The following FAM151B variants were observed in gnomAD, a reference collection of about 807,000 sequenced individuals.
The protein encoded by FAM151B is protein FAM151B.
A neutral mutation model predicts 31.2 loss-of-function variants in FAM151B; 24 were observed. That is an observed-to-expected ratio of 0.77 (90% CI 0.56 to 1.08). The LOEUF is 1.08. Among genes scored for constraint, FAM151B ranks in the 50% least tolerant of loss-of-function variants. FAM151B has a pLI of 0.00. For synonymous variants in FAM151B, 105 were observed against 111.4 expected, an observed-to-expected ratio of 0.94 and a Z score of 0.36; for missense variants, 293 against 328.6, an observed-to-expected ratio of 0.89 and a Z score of 0.84.
chr5:80,529,507 GAA>G (rs1289880737), intron 5 of FAM151B, among the ~76,000 whole-genome samples: 1 of 152,010 alleles, frequency 6.6e-6, no homozygotes, highest in Non-Finnish European at 1.5e-5. Context: ...TAATAAAGAA[GAA>G]AAGAGAGAAG....
At chr5:80,536,681 A>AT (rs1745531274) in intron 5 of FAM151B, among the ~76,000 whole-genome samples, 1 of 152,212 alleles carries the variant, frequency 6.6e-6, no homozygotes. Flanking sequence ...TAAAGTATAT[A>AT]TATTGTACTT....
chr5:80,517,520 G>T (rs990018857), intron 3 of FAM151B, among the ~76,000 whole-genome samples: 1 of 152,122 alleles, frequency 6.6e-6, no homozygotes, highest in East Asian at 1.9e-4. Flanking sequence ...ACAACAAAAA[G>T]TTTTTGGTTC....
chr5:80,528,377 T>C (rs1404982435), intron 5 of FAM151B, among the ~76,000 whole-genome samples: 2 of 151,920 alleles, frequency 1.3e-5, no homozygotes, highest in African/African-American at 4.8e-5. Flanking sequence ...AATAATAACA[T>C]TGAATGTAAG....
At chr5:80,539,741 C>T (rs1051979783) in intron 5 of FAM151B, among the ~76,000 whole-genome samples, 2 of 151,432 alleles carry the variant, frequency 1.3e-5, no homozygotes, top group Non-Finnish European at 2.9e-5. Context: ...ATCGGCCTGC[C>T]TCGGCCTCCC....
intron 5 of FAM151B, among the ~76,000 whole-genome samples, chr5:80,536,927 G>T (rs574204039): frequency 6.6e-6 from 1 of 152,156 alleles, no homozygotes; most frequent in African/African-American, 2.4e-5. Context: ...GTGTTGGGGG[G>T]AGGTGTGAAT....
intron 3 of FAM151B, among the ~76,000 whole-genome samples, chr5:80,515,248 T>A (rs544318170): frequency 1.4e-3 from 177 of 126,790 alleles, no homozygotes; most frequent in South Asian, 3.9e-3. Context: ...CTCAAAAAAA[T>A]AAATAAATAA....
At chr5:80,541,577 G>C in intron 5 of FAM151B, 96 bp from the exon 6 acceptor site, 1 of 1,116,364 alleles carries the variant, frequency 9.0e-7, no homozygotes, top group Non-Finnish European at 1.3e-6. Flanking sequence ...GAGTGCATTT[G>C]AGTTAGAGAT....
intron 2 of FAM151B, among the ~76,000 whole-genome samples, chr5:80,511,954 G>A (rs901610562): frequency 6.6e-6 from 1 of 152,088 alleles, no homozygotes; most frequent in African/African-American, 2.4e-5. Flanking sequence ...AATTCACTAT[G>A]CTACATAATT....
At chr5:80,518,509 A>C (rs947637209) in intron 3 of FAM151B, among the ~76,000 whole-genome samples, 4 of 152,190 alleles carry the variant, frequency 2.6e-5, no homozygotes, top group African/African-American at 9.7e-5. Context: ...GGAGAATTTA[A>C]AAGAGACAAA....
chr5:80,500,982 C>T (rs1743719156), intron 1 of FAM151B: 9 of 648,904 alleles, frequency 1.4e-5, no homozygotes, highest in African/African-American at 3.7e-5. Context: ...CGCCATGAGG[C>T]GGAATGAAGA....
chr5:80,506,487 T>C (rs997829997), intron 2 of FAM151B, among the ~76,000 whole-genome samples: 15 of 152,192 alleles, frequency 9.9e-5, no homozygotes, highest in African/African-American at 3.6e-4. Context: ...ATGATAAATC[T>C]ACTAGCTTGA....
chr5:80,519,260 T>A (rs1332147273), intron 3 of FAM151B, among the ~76,000 whole-genome samples: 1 of 152,190 alleles, frequency 6.6e-6, no homozygotes, highest in African/African-American at 2.4e-5. Flanking sequence ...TGAGCCTGAA[T>A]TAGAGATACA....
chr5:80,500,621 G>T lies in FAM151B; in HGVS notation c.26-1171G>T. On this transcript the variant is annotated intron_variant, in intron 1 of 5. Coordinates refer to ENST00000282226, the MANE Select transcript of FAM151B (RefSeq NM_205548.3). ...GGCATTTGTCCTCAGGATCAGAGGT[G>T]TCAGTGGTGTGAGCCCAAAGGTCCG... 3.9e-6 allele frequency: 3 copies of T among 761,062 alleles called. No individual in the cohort carries two copies. The South Asian group carries it at 4.0e-5, about 10-fold the overall frequency. 47.1% of individuals were successfully genotyped at this position (761,062 alleles called of 1,614,324 possible). A position where few individuals can be genotyped will look rare whatever the true frequency, so the allele number is the denominator to read the frequency against.
intron 2 of FAM151B, among the ~76,000 whole-genome samples, chr5:80,509,426 A>G (rs1744102924): frequency 6.6e-6 from 1 of 152,164 alleles, no homozygotes; most frequent in African/African-American, 2.4e-5. Context: ...ATGAAAATGC[A>G]GTGAGAAGGC....
rs953876874 is a variant in FAM151B at position 80,542,000 on chromosome 5, C to A, written c.*168C>A. On this transcript the variant is annotated 3_prime_UTR_variant, in exon 6 of 6. Coordinates refer to ENST00000282226, the MANE Select transcript of FAM151B (RefSeq NM_205548.3). ...GTGGGCATATGTCCTTATAATAGTGCACTTACATAAAAGATTTGGAAAGAA... is the reference window on the plus strand; with the variant it reads ...GTGGGCATATGTCCTTATAATAGTGAACTTACATAAAAGATTTGGAAAGAA... 1.2e-4 allele frequency: 79 copies of A among 647,694 alleles called. No individual in the cohort carries two copies. The highest frequency in any genetic ancestry group is 2.8e-4 in the South Asian group (12 of 42,494). 40.1% of individuals were successfully genotyped at this position (647,694 alleles called of 1,614,324 possible).
chr5:80,521,238 C>G (rs955240209), intron 4 of FAM151B, among the ~76,000 whole-genome samples: 1 of 151,230 alleles, frequency 6.6e-6, no homozygotes, highest in African/African-American at 2.4e-5. Context: ...GATCCTCCCA[C>G]CTCAGCCTCC....
chr5:80,494,969 G>T (rs558430729), intron 1 of FAM151B: 1 of 152,312 alleles, frequency 6.6e-6, no homozygotes, highest in East Asian at 1.9e-4. Context: ...GTGACTTTAA[G>T]TGGAAGCCAG....
At chr5:80,498,521 C>T (rs1414866892) in intron 1 of FAM151B, 1 of 926,230 alleles carries the variant, frequency 1.1e-6, no homozygotes, top group Non-Finnish European at 1.7e-6. Context: ...TTTATTAACT[C>T]ATAGACAATT....
chr5:80,517,513 A>G (rs935710909), intron 3 of FAM151B, among the ~76,000 whole-genome samples: 4 of 152,208 alleles, frequency 2.6e-5, no homozygotes, highest in African/African-American at 9.6e-5. Flanking sequence ...AACTACAACA[A>G]CAAAAAGTTT....
Sources: allele counts gnomAD v4.1 joint callset (sites outside exome capture counted in the v4.1 genomes callset), GRCh38; gene constraint gnomAD v4.1.1; transcripts MANE v1.5; gene names NCBI Gene and HGNC (gene_info 2026-07-23, HGNC 2026-07-21).